SETD1B: variants seen among roughly 807,000 people sequenced by gnomAD.
SETD1B encodes the protein SET domain containing 1B, histone lysine methyltransferase.
In SETD1B, 7 loss-of-function variants were observed where a neutral mutation model predicts 148.0. That is an observed-to-expected ratio of 0.05 (90% CI 0.03 to 0.09). SETD1B has a LOEUF of 0.09. Ranked by LOEUF, SETD1B falls within the 10% of genes least tolerant of loss-of-function variation. SETD1B has a pLI of 1.00. For synonymous variants in SETD1B, 1,361 were observed against 1,186.5 expected (o/e 1.15, Z -3.02); for missense variants, 2,155 against 2,729.9 (o/e 0.79, Z 4.69).
chr12:121,798,397 C>T, the SETD1B span, among the ~76,000 whole-genome samples: 8 of 152,206 alleles, frequency 5.3e-5, no homozygotes, highest in East Asian at 7.7e-4. Context: ...TGGGCTGGTG[C>T]GGGGGGAAGC....
chr12:121,812,518 T>C (rs2137556912), intron 6 of SETD1B, among the ~76,000 whole-genome samples: 1 of 152,052 alleles, frequency 6.6e-6, no homozygotes, highest in East Asian at 1.9e-4. Flanking sequence ...AGCAAATTCC[T>C]GCCGCTTCTC....
At chr12:121,815,038 AC>A in intron 7 of SETD1B, 108 bp downstream of exon 7, 1 of 1,055,500 alleles carries the variant, frequency 9.5e-7, no homozygotes, top group Non-Finnish European at 1.3e-6. Context: ...GCTGCCGTGG[AC>A]CCCACTATGG....
rs914253005 is a variant in SETD1B at position 121,810,968 on chromosome 12, G to T, written c.1890+133G>T. On this transcript the variant is annotated intron_variant, in intron 6 of 16. Transcript: ENST00000604567. This position sits in a 1 kb window ranked among gnomAD's most constrained non-coding sequence, Gnocchi z 7.6. ...GCTAGGAAAGCCAATATAACAGGTGGAACTTACAGAATAAAAAGGGGATGC... is the reference window on the plus strand; with the variant it reads ...GCTAGGAAAGCCAATATAACAGGTGTAACTTACAGAATAAAAAGGGGATGC... The T allele has an allele frequency of 2.6e-6, 3 of 1,172,868 alleles. No homozygotes were observed. The highest frequency in any genetic ancestry group is 3.5e-6 in the Non-Finnish European group (3 of 864,522). 72.7% of individuals were successfully genotyped at this position (1,172,868 alleles called of 1,614,324 possible).
intron 4 of SETD1B, among the ~76,000 whole-genome samples, chr12:121,806,804 T>C (rs1039070217): frequency 6.6e-6 from 1 of 152,222 alleles, no homozygotes; most frequent in Non-Finnish European, 1.5e-5. Flanking sequence ...TGGAGCTGGC[T>C]GGGGAGGCCA....
chr12:121,826,647 C>G (rs1876854959), intron 13 of SETD1B, among the ~76,000 whole-genome samples: 1 of 151,996 alleles, frequency 6.6e-6, no homozygotes, highest in African/African-American at 2.4e-5. Context: ...GTGAGAGGAG[C>G]TGGGGTGGTG....
At chr12:121,806,528 C>G (rs1875749589) in intron 4 of SETD1B, among the ~76,000 whole-genome samples, 1 of 152,154 alleles carries the variant, frequency 6.6e-6, no homozygotes, top group African/African-American at 2.4e-5. Context: ...GGTCTGAAAA[C>G]TGAAAAGAGA....
chr12:121,822,724 C>T lies in SETD1B; in HGVS notation c.4145C>T (p.Thr1382Ile), dbSNP rs1410021196. The change falls in exon 12 of 17, where the codon ACA (threonine) becomes ATA (isoleucine). Residue 1382 changes from threonine (T) to isoleucine (I), a missense_variant. By Grantham distance (89) the Thr-to-Ile change is moderately conservative (BLOSUM62 -1). Transcript: ENST00000604567. Reference sequence around the variant, plus strand: ...CAGAGCACAGAGACGGTGCCAGCCACACCAGGCGGGGAGCCCCCGCTATCA... The same window carrying T: ...CAGAGCACAGAGACGGTGCCAGCCATACCAGGCGGGGAGCCCCCGCTATCA... The part of the protein sequence containing the change: ...KSQSTETVPA[T>I]PGGEPPLSGG... 4 of 1,523,356 alleles carry T rather than the reference C, an allele frequency of 2.6e-6. No individual in the cohort carries two copies. Among genetic ancestry groups the T allele is most frequent in the East Asian group, 2.5e-5 (1 of 40,342 alleles). 94.4% of individuals were successfully genotyped at this position (1,523,356 alleles called of 1,614,324 possible).
upstream of SETD1B, chr12:121,799,717 T>TGGGGGGGTGGGGGGGGGG (rs1875205892): frequency 5.2e-5 from 1 of 19,134 alleles, no homozygotes; most frequent in African/African-American, 1.7e-4. Flanking sequence ...CGCTCGCAGC[T>TGGGGGGGTGGGGGGGGGG]GGGGGGGGGG....
chr12:121,813,416 A>C (rs934264680), intron 6 of SETD1B, among the ~76,000 whole-genome samples: 3 of 152,248 alleles, frequency 2.0e-5, no homozygotes, highest in South Asian at 2.1e-4. Flanking sequence ...GAGTGAGGAC[A>C]GCAGGGTGAC....
chr12:121,794,991 C>T, the SETD1B span, among the ~76,000 whole-genome samples: 294 of 152,336 alleles, frequency 1.9e-3, 4 homozygotes, highest in Non-Finnish European at 1.6e-3. Context: ...TCCCAGTTTT[C>T]AAGGTCTCGG....
intron 13 of SETD1B, among the ~76,000 whole-genome samples, chr12:121,826,083 TA>T (rs899811170): frequency 3.3e-5 from 5 of 151,458 alleles, no homozygotes; most frequent in Non-Finnish European, 5.9e-5. Context: ...ATTTTTAAAT[TA>T]AAAAAAAATT....
In SETD1B at chr12:121,817,102, G is replaced by T; in HGVS notation, c.2785G>T (p.Ala929Ser). Reference sequence around the variant, plus strand: ...CAGGCCGAAGCCCAAGGACCGCATCGCCTCGTGCCTGCTGGAGTCATGGGG... The same window carrying T: ...CAGGCCGAAGCCCAAGGACCGCATCTCCTCGTGCCTGCTGGAGTCATGGGG... ...EDRPKPKDRI[A>S]SCLLESWGKG... is the part of the protein sequence containing the mutation. Residue 929 changes from alanine to serine, a missense_variant, in exon 8 of 17, where the codon GCC (alanine) becomes TCC (serine). Around this residue, in one of 11 missense-constraint regions of SETD1B, gnomAD observed 289 missense variants for 423.7 expected, o/e 0.68. Coordinates refer to ENST00000604567, the MANE Select transcript of SETD1B (RefSeq NM_001353345.2). This position sits in a 1 kb window ranked among gnomAD's most constrained non-coding sequence, Gnocchi z 8.1. The T allele has an allele frequency of 6.5e-7, 1 of 1,548,998 alleles. No homozygotes were observed. The highest frequency in any genetic ancestry group is 8.7e-7 in the Non-Finnish European group (1 of 1,146,750).
At position 121,831,676 on chromosome 12, in the gene SETD1B, G is replaced by A. The variant is rs1426856962; in HGVS notation, c.*1437G>A. The A allele has an allele frequency of 2.0e-5, 3 of 152,030 alleles. No homozygotes were observed. The highest frequency in any genetic ancestry group is 6.5e-5 in the Admixed American group (1 of 15,278). 9.4% of individuals were successfully genotyped at this position (152,030 alleles called of 1,614,324 possible). On this transcript the variant is annotated 3_prime_UTR_variant, in exon 17 of 17. Transcript: ENST00000604567. ...GTCCCCCCGTACCCCAGAAAGCAGA[G>A]GAGGCGTGTAAATAATTTCTGGAAA...
rs1021543872 is a variant in SETD1B, at chr12:121,808,154, G to A, written c.545-54G>A. 2.1e-6 allele frequency: 3 copies of A among 1,403,800 alleles called. No individual in the cohort carries two copies. In the African/African-American group the frequency reaches 4.3e-5, roughly 20 times the overall value. 87.0% of individuals were successfully genotyped at this position (1,403,800 alleles called of 1,614,324 possible). ...GCCACACAGGTTGGAATCCTTGTGGGGGCTGCCCCATCCTGGAACCTCACT... is the reference window on the plus strand; with the variant it reads ...GCCACACAGGTTGGAATCCTTGTGGAGGCTGCCCCATCCTGGAACCTCACT... On this transcript the variant is annotated intron_variant, in intron 4 of 16. Transcript: ENST00000604567. The surrounding 1 kb of genome is among the most constrained non-coding windows in gnomAD (Gnocchi z 5.3).
intron 6 of SETD1B, among the ~76,000 whole-genome samples, chr12:121,812,257 C>T (rs1019401481): frequency 6.6e-6 from 1 of 151,802 alleles, no homozygotes; most frequent in Admixed American, 6.6e-5. Context: ...CGGGGCCAGC[C>T]GAGGGTGCAG....
chr12:121,800,900 G>T (rs1875316260), upstream of SETD1B: 1 of 151,958 alleles, frequency 6.6e-6, no homozygotes, highest in Non-Finnish European at 1.5e-5. Context: ...GGGGGACGGA[G>T]GAAAGGAGGA....
chr12:121,827,959 T>A lies in SETD1B; in HGVS notation c.5616T>A (p.Arg1872=), dbSNP rs780751393. 3 of 1,551,820 alleles carry A rather than the reference T, an allele frequency of 1.9e-6. No individual in the cohort carries two copies. The part of the protein sequence containing the change: ...RQVIADMREK[R]YEDEGIGSSY... ...TGATCGCAGACATGCGGGAGAAGCG[T>A]TATGAGGACGAGGGCATCGGGAGCA... The change falls in exon 16 of 17, where the codon CGT becomes CGA. Residue 1872 remains arginine (R), a synonymous_variant. Coordinates refer to ENST00000604567, the MANE Select transcript of SETD1B (RefSeq NM_001353345.2).
In SETD1B at chr12:121,827,777, G is replaced by A. The variant is rs752270538; in HGVS notation, c.5512G>A (p.Asp1838Asn). ...KLKFCKSHIHDWGLFAMEPIA... is the reference protein window; with the variant it reads ...KLKFCKSHIHNWGLFAMEPIA... ...CAAGTTCTGCAAGAGCCACATTCAC[G>A]ACTGGGGCTTGTTCGCCATGGAGCC... is the stretch of plus-strand genomic sequence containing the variant. The change falls in exon 15 of 17, where the codon GAC becomes AAC. Residue 1838 changes from aspartate to asparagine, a missense_variant. Asp to Asn is a conservative substitution (Grantham distance 23). Transcript: ENST00000604567. The A allele has an allele frequency of 1.9e-6, 3 of 1,553,876 alleles. No homozygotes were observed. The highest frequency in any genetic ancestry group is 2.7e-5 in the African/African-American group (2 of 73,282).
the SETD1B span, among the ~76,000 whole-genome samples, chr12:121,798,811 C>T: frequency 6.6e-6 from 1 of 152,168 alleles, no homozygotes; most frequent in Admixed American, 6.5e-5. Flanking sequence ...AGGGGGGCTC[C>T]GAGACCAAGG....
Sources: gnomAD v4.1 joint callset for allele counts (sites outside exome capture counted in the v4.1 genomes callset) on GRCh38, gnomAD v4.1.1 for gene constraint, gnomAD v4.1.1 regional missense constraint, Gnocchi (gnomAD v3.1) non-coding constraint, MANE v1.5 for transcripts, NCBI Gene and HGNC (gene_info 2026-07-23, HGNC 2026-07-21) for gene names.